The following RUNDC3B variants were observed in gnomAD, a reference collection of about 807,000 sequenced individuals.
RUNDC3B encodes the protein RUN domain-containing protein 3B.
A neutral mutation model predicts 58.4 loss-of-function variants in RUNDC3B; 33 were observed. That is an observed-to-expected ratio of 0.56 (90% CI 0.43 to 0.75). The LOEUF (loss-of-function observed/expected upper bound fraction) is 0.75. Ranked by LOEUF, RUNDC3B falls within the 30% of genes least tolerant of loss-of-function variation. RUNDC3B has a pLI of 0.00. For synonymous variants in RUNDC3B, 193 were observed against 195.2 expected (o/e 0.99, Z 0.10); for missense variants, 501 against 535.7 (o/e 0.94, Z 0.64).
intron 10 of RUNDC3B, among the ~76,000 whole-genome samples, chr7:87,823,033 TATA>T (rs1430164914): frequency 2.6e-5 from 4 of 151,882 alleles, no homozygotes; most frequent in South Asian, 2.1e-4. Flanking sequence ...AAACTTAAAG[TATA>T]ATAATAATAA....
chr7:87,773,987 A>C (rs1834473931), intron 7 of RUNDC3B, among the ~76,000 whole-genome samples: 1 of 152,012 alleles, frequency 6.6e-6, no homozygotes, highest in Non-Finnish European at 1.5e-5. Flanking sequence ...CAATCTTTTT[A>C]TGGAGCACAC....
In RUNDC3B at chr7:87,829,962, T is replaced by C. The variant is rs765386181; in HGVS notation, c.1303T>C (p.Leu435=). The C allele has an allele frequency of 2.0e-5, 32 of 1,609,632 alleles. No homozygotes were observed. The highest frequency in any genetic ancestry group is 2.4e-5 in the Non-Finnish European group (28 of 1,177,228). Residue 435 remains leucine (L), a synonymous_variant, in exon 11 of 11, where the codon TTA becomes CTA. Transcript: ENST00000394654. The part of the protein sequence containing the change: ...SVASYKSLTS[L]KSNDYLASPT... The stretch of plus-strand genomic sequence containing the variant: ...GGCAAGTTACAAGTCTCTAACAAGC[T>C]TAAAATCTAATGACTACCTTGCAAG...
chr7:87,740,975 C>T (rs187795132), intron 5 of RUNDC3B, among the ~76,000 whole-genome samples: 4 of 152,130 alleles, frequency 2.6e-5, no homozygotes, highest in Admixed American at 6.5e-5. Context: ...GAGGCTGAGG[C>T]GGGCAGATCA....
intron 7 of RUNDC3B, among the ~76,000 whole-genome samples, chr7:87,773,653 C>CTCGTCTTGTT (rs1554489492): frequency 7.5e-6 from 1 of 133,354 alleles, no homozygotes; most frequent in Admixed American, 7.9e-5. Flanking sequence ...TTGTTTTTGT[C>CTCGTCTTGTT]TTGTCTTGTT....
intron 3 of RUNDC3B, among the ~76,000 whole-genome samples, chr7:87,701,939 C>T (rs540828025): frequency 1.1e-4 from 17 of 151,884 alleles, no homozygotes; most frequent in South Asian, 8.3e-4. Flanking sequence ...GTCAGGAGAT[C>T]GAGACCATCC....
chr7:87,824,736 C>G (rs902729350), intron 10 of RUNDC3B, among the ~76,000 whole-genome samples: 4 of 152,062 alleles, frequency 2.6e-5, no homozygotes, highest in African/African-American at 7.2e-5. Flanking sequence ...CAATGAAATC[C>G]AGGATGAGGT....
intron 9 of RUNDC3B, among the ~76,000 whole-genome samples, chr7:87,814,000 T>G (rs1414476097): frequency 6.6e-6 from 1 of 151,864 alleles, no homozygotes; most frequent in Non-Finnish European, 1.5e-5. Context: ...AAAAAGATTT[T>G]AATGAAAATC....
intron 8 of RUNDC3B, among the ~76,000 whole-genome samples, chr7:87,787,343 C>A (rs547363182): frequency 6.6e-6 from 1 of 151,816 alleles, no homozygotes; most frequent in East Asian, 1.9e-4. Flanking sequence ...TAAAAGTAGC[C>A]CTCAGAAAAT....
intron 2 of RUNDC3B, among the ~76,000 whole-genome samples, chr7:87,695,389 T>G (rs1373966035): frequency 6.6e-6 from 1 of 152,118 alleles, no homozygotes; most frequent in Admixed American, 6.5e-5. Context: ...AAATTAGCAG[T>G]AAGAAACTTG....
chr7:87,644,123 T>C (rs10224594), intron 1 of RUNDC3B, among the ~76,000 whole-genome samples: 7,354 of 152,320 alleles, frequency 0.048, 262 homozygotes, highest in East Asian at 0.089. Flanking sequence ...CCTCCCAAAG[T>C]GTTGGGATTA....
At chr7:87,660,484 A>G (rs1464730552) in intron 2 of RUNDC3B, among the ~76,000 whole-genome samples, 1 of 152,116 alleles carries the variant, frequency 6.6e-6, no homozygotes, top group African/African-American at 2.4e-5. Flanking sequence ...AAAGAGATAT[A>G]AAGTCTAAAA....
intron 6 of RUNDC3B, among the ~76,000 whole-genome samples, chr7:87,743,412 T>TAA (rs1356057613): frequency 3.3e-5 from 5 of 152,238 alleles, no homozygotes; most frequent in Non-Finnish European, 2.9e-5. Flanking sequence ...ATAGTGGCTG[T>TAA]ACTAGTTTAT....
chr7:87,640,520 T>A (rs1038823311), intron 1 of RUNDC3B, among the ~76,000 whole-genome samples: 3 of 151,992 alleles, frequency 2.0e-5, no homozygotes, highest in Non-Finnish European at 4.4e-5. Context: ...ATTTTTTTTT[T>A]AATTTGTAGA....
At chr7:87,771,529 C>G (rs780250907) in intron 7 of RUNDC3B, among the ~76,000 whole-genome samples, 1 of 152,066 alleles carries the variant, frequency 6.6e-6, no homozygotes, top group Admixed American at 6.5e-5. Context: ...ATCTACATTG[C>G]AAAAATATGA....
intron 7 of RUNDC3B, among the ~76,000 whole-genome samples, chr7:87,772,618 T>G (rs2130873130): frequency 6.6e-6 from 1 of 151,946 alleles, no homozygotes; most frequent in African/African-American, 2.4e-5. Context: ...ATTAAGAGAA[T>G]AGAAGTAGAA....
At chr7:87,700,970 T>G (rs891814036) in intron 3 of RUNDC3B, among the ~76,000 whole-genome samples, 1 of 152,220 alleles carries the variant, frequency 6.6e-6, no homozygotes, top group Admixed American at 6.5e-5. Context: ...CAGTATTTTC[T>G]TTTAAAGGCA....
At chr7:87,760,849 C>G (rs1833639680) in intron 6 of RUNDC3B, among the ~76,000 whole-genome samples, 1 of 151,878 alleles carries the variant, frequency 6.6e-6, no homozygotes, top group South Asian at 2.1e-4. Context: ...CTAAGACCCA[C>G]ATGTAAGAGC....
At chr7:87,714,499 C>A (rs1830368508) in intron 4 of RUNDC3B, among the ~76,000 whole-genome samples, 1 of 152,034 alleles carries the variant, frequency 6.6e-6, no homozygotes, top group East Asian at 1.9e-4. Context: ...TAAGAATTTA[C>A]AATATAGTGT....
At chr7:87,753,977 T>A (rs1266507496) in intron 6 of RUNDC3B, among the ~76,000 whole-genome samples, 1 of 152,142 alleles carries the variant, frequency 6.6e-6, no homozygotes, top group Non-Finnish European at 1.5e-5. Flanking sequence ...AAAGAAGGTA[T>A]AAAAGTACAT....
Sources: allele counts gnomAD v4.1 joint callset (sites outside exome capture counted in the v4.1 genomes callset), GRCh38; gene constraint gnomAD v4.1.1; transcripts MANE v1.5; gene names NCBI Gene and HGNC (gene_info 2026-07-23, HGNC 2026-07-21).